The following NALCN variants were observed in gnomAD, a reference collection of about 807,000 sequenced individuals.
NALCN encodes sodium leak channel NALCN.
Under a neutral mutation model 225.3 loss-of-function variants are expected in NALCN, and 111 were observed. The ratio of observed to expected loss-of-function variants is 0.49; its 90% CI spans 0.42 to 0.58. The LOEUF (loss-of-function observed/expected upper bound fraction) is 0.58, where lower values mean the gene tolerates loss of function less well. NALCN is among the 20% of genes least tolerant of loss of function. NALCN has a pLI of 0.00. For missense variants in NALCN, 1,378 were observed against 2,202.4 expected, an observed-to-expected ratio of 0.63 and a Z score of 7.49; for synonymous variants, 764 against 769.0, an observed-to-expected ratio of 0.99 and a Z score of 0.11.
chr13:101,169,013 C>T (rs17582389), intron 15 of NALCN, among the ~76,000 whole-genome samples: 36,768 of 152,100 alleles, frequency 0.24, 5,231 homozygotes, highest in Non-Finnish European at 0.32. Context: ...TGTGAGAAAA[C>T]GTCCCTGATT....
chr13:101,185,429 C>T (rs2139980672), intron 14 of NALCN, among the ~76,000 whole-genome samples: 1 of 152,260 alleles, frequency 6.6e-6, no homozygotes, highest in African/African-American at 2.4e-5. Context: ...ACAGGGCTTT[C>T]CTTTGAAACA....
At chr13:101,274,311 G>A (rs2042905084) in intron 10 of NALCN, among the ~76,000 whole-genome samples, 1 of 152,182 alleles carries the variant, frequency 6.6e-6, no homozygotes, top group African/African-American at 2.4e-5. Flanking sequence ...TGAAGAAACT[G>A]GGTTATTTTC....
intron 43 of NALCN, among the ~76,000 whole-genome samples, 157 bp from the exon 44 acceptor site, chr13:101,055,645 T>C (rs2031135350): frequency 6.6e-6 from 1 of 152,130 alleles, no homozygotes; most frequent in South Asian, 2.1e-4. Flanking sequence ...TGATTCTTTA[T>C]GTTCACGATA....
chr13:101,393,078 C>G (rs2047189617), intron 3 of NALCN, among the ~76,000 whole-genome samples: 1 of 152,114 alleles, frequency 6.6e-6, no homozygotes, highest in Admixed American at 6.5e-5. Flanking sequence ...ACAAACAAAG[C>G]CAATCACAAT....
chr13:101,295,029 A>T (rs2043690863), intron 7 of NALCN, among the ~76,000 whole-genome samples: 1 of 152,174 alleles, frequency 6.6e-6, no homozygotes, highest in South Asian at 2.1e-4. Flanking sequence ...CCCTGGCAAG[A>T]TAAGGGCATT....
In NALCN at chr13:101,069,296, A is replaced by G. The variant is rs374921570; in HGVS notation, c.4198-469T>C. On this transcript the variant is annotated intron_variant, in intron 37 of 43. Coordinates refer to ENST00000251127, the MANE Select transcript of NALCN (RefSeq NM_052867.4). ...GCTGTGATAAAGTGAATATTGCAAT[A>G]AAGTCCTATGCATGTTTTGGTTTCC... 5.9e-5 allele frequency among the ~76,000 whole-genome samples: 9 copies of G among 152,398 alleles called. No homozygotes were observed. The South Asian group carries it at 1.9e-3, about 32-fold the overall frequency.
chr13:101,141,388 A>G (rs1441250341), intron 17 of NALCN, among the ~76,000 whole-genome samples: 1 of 152,134 alleles, frequency 6.6e-6, no homozygotes, highest in Non-Finnish European at 1.5e-5. Flanking sequence ...AAAAAAAATG[A>G]CATTGGCATC....
intron 14 of NALCN, chr13:101,181,065 T>G (rs1423490460): frequency 1.9e-6 from 1 of 517,996 alleles, no homozygotes. Context: ...TCTGGGCACA[T>G]GGGCCAGGGG....
At chr13:101,112,490 G>A (rs566129880) in intron 18 of NALCN, among the ~76,000 whole-genome samples, 1 of 152,288 alleles carries the variant, frequency 6.6e-6, no homozygotes, top group African/African-American at 2.4e-5. Flanking sequence ...TAGTTGATAA[G>A]TGGCAAGAAA....
intron 7 of NALCN, among the ~76,000 whole-genome samples, chr13:101,317,884 A>T (rs1379738672): frequency 2.0e-5 from 3 of 152,132 alleles, no homozygotes; most frequent in Non-Finnish European, 4.4e-5. Context: ...ACTTTTTTTT[A>T]AAGCTAAAAA....
intron 33 of NALCN, 139 bp downstream of exon 33, chr13:101,082,670 T>C: frequency 1.2e-6 from 1 of 836,548 alleles, no homozygotes; most frequent in Non-Finnish European, 2.0e-6. Flanking sequence ...GCAGAACCGC[T>C]TAAGTAGGAA....
At chr13:101,120,413 C>G (rs1380408733) in intron 18 of NALCN, among the ~76,000 whole-genome samples, 1 of 152,020 alleles carries the variant, frequency 6.6e-6, no homozygotes, top group East Asian at 1.9e-4. Flanking sequence ...CAACCCCTTT[C>G]TCCAGACAGT....
rs2030859393 is a variant in NALCN at position 101,053,784 on chromosome 13, C to G, written c.*1511G>C. 1 of 152,064 alleles carries G rather than the reference C, an allele frequency of 6.6e-6. No individual in the cohort carries two copies. The highest frequency in any genetic ancestry group is 1.9e-4 in the East Asian group (1 of 5,194). 9.4% of individuals were successfully genotyped at this position (152,064 alleles called of 1,614,324 possible). ...GGTCAACTCAGAGTAAATTATTTTA[C>G]AAATCCAATATTTATTTTATCTTGT... On this transcript the variant is annotated 3_prime_UTR_variant, in exon 44 of 44. Coordinates refer to ENST00000251127, the MANE Select transcript of NALCN (RefSeq NM_052867.4).
intron 2 of NALCN, 133 bp from the exon 3 acceptor site, chr13:101,395,498 A>C: frequency 1.3e-6 from 1 of 754,746 alleles, no homozygotes; most frequent in Non-Finnish European, 2.0e-6. Context: ...AGAAGAAGAA[A>C]TCTAACACTA....
intron 15 of NALCN, among the ~76,000 whole-genome samples, chr13:101,172,463 C>A (rs1465875618): frequency 6.6e-6 from 1 of 152,196 alleles, no homozygotes; most frequent in Non-Finnish European, 1.5e-5. Flanking sequence ...CCATCTCACA[C>A]CCTTAGCTTA....
Position 101,074,928 on chromosome 13 carries a change from C to T in NALCN, c.3955-266G>A, listed in dbSNP as rs896889461. On this transcript the variant is annotated intron_variant, in intron 35 of 43. Transcript: ENST00000251127. ...TTTACTTCAAACATTTCAGCCTCTTCACACAAATTAATAAGAGTAACACTA... is the reference window on the plus strand; with the variant it reads ...TTTACTTCAAACATTTCAGCCTCTTTACACAAATTAATAAGAGTAACACTA... Among the ~76,000 whole-genome samples, 5 of 152,190 alleles carry T rather than the reference C, an allele frequency of 3.3e-5. No homozygotes were observed. The East Asian group carries it at 7.7e-4, about 23-fold the overall frequency.
chr13:101,232,603 A>T (rs1001531285), intron 12 of NALCN, among the ~76,000 whole-genome samples: 4 of 150,910 alleles, frequency 2.7e-5, no homozygotes, highest in African/African-American at 9.8e-5. Flanking sequence ...CCACCACCAC[A>T]CCCAGCTAAT....
intron 18 of NALCN, chr13:101,116,453 C>A (rs764712901): frequency 2.0e-6 from 1 of 505,380 alleles, no homozygotes; most frequent in South Asian, 1.5e-5. Flanking sequence ...TAAGAGAGAT[C>A]TTTGGAGCTT....
At chr13:101,172,885 C>T (rs9513864) in intron 15 of NALCN, among the ~76,000 whole-genome samples, 7 of 151,622 alleles carry the variant, frequency 4.6e-5, no homozygotes, top group African/African-American at 1.7e-4. Context: ...CATTTTAGAG[C>T]GAACAGGCCC....
Sources: allele counts gnomAD v4.1 joint callset (sites outside exome capture counted in the v4.1 genomes callset), GRCh38; gene constraint gnomAD v4.1.1; transcripts MANE v1.5; gene names NCBI Gene and HGNC (gene_info 2026-07-23, HGNC 2026-07-21).